SPTBN1: variants seen among roughly 807,000 people sequenced by gnomAD.
SPTBN1 encodes spectrin beta, non-erythrocytic 1.
In SPTBN1, 32 loss-of-function variants were observed where a neutral mutation model predicts 266.4. The observed-to-expected ratio is 0.12, with a 90% CI of 0.09 to 0.16. The LOEUF is 0.16. SPTBN1 is among the 10% of genes least tolerant of loss of function. The pLI is 1.00. For synonymous variants in SPTBN1, 1,336 were observed against 1,162.2 expected (o/e 1.15, Z -3.04); for missense variants, 2,296 against 3,067.1 (o/e 0.75, Z 5.94).
At chr2:54,589,619 G>GT (rs1402645621) in intron 2 of SPTBN1, among the ~76,000 whole-genome samples, 1 of 152,194 alleles carries the variant, frequency 6.6e-6, no homozygotes, top group Non-Finnish European at 1.5e-5. Flanking sequence ...GGAAACTATT[G>GT]TAACTCAAAT....
intron 2 of SPTBN1, among the ~76,000 whole-genome samples, chr2:54,571,122 G>A (rs1674032879): frequency 6.6e-6 from 1 of 152,130 alleles, no homozygotes; most frequent in African/African-American, 2.4e-5. Flanking sequence ...GCGGTGAAGA[G>A]TGGTGGGGGT....
intron 3 of SPTBN1, among the ~76,000 whole-genome samples, chr2:54,606,352 T>C (rs949698423): frequency 1.2e-4 from 18 of 152,194 alleles, no homozygotes; most frequent in African/African-American, 4.1e-4. Flanking sequence ...CTGCTGCAGT[T>C]AGAAGTTTCT....
chr2:54,631,970 G>C (rs752595237), intron 16 of SPTBN1, among the ~76,000 whole-genome samples: 1 of 152,098 alleles, frequency 6.6e-6, no homozygotes, highest in Admixed American at 6.5e-5. Context: ...CCAGCTCTTG[G>C]GGAGGCTGGG....
rs987937263 is a variant in SPTBN1 at position 54,670,690 on chromosome 2, G to C, written c.*2121G>C. The C allele has an allele frequency of 2.5e-6, 1 of 398,456 alleles. No individual in the cohort carries two copies. Among genetic ancestry groups the C allele is most frequent in the Non-Finnish European group, 4.4e-6 (1 of 226,054 alleles). 24.7% of individuals were successfully genotyped at this position (398,456 alleles called of 1,614,324 possible). ...CAATAAGTTCATACCAGCAATCCTG[G>C]AGTCCCATAATAAATACGTACATGT... On this transcript the variant is annotated 3_prime_UTR_variant, in exon 36 of 36. Coordinates refer to ENST00000356805, the MANE Select transcript of SPTBN1 (RefSeq NM_003128.3).
At chr2:54,661,567 G>T in intron 32 of SPTBN1, 1 of 985,754 alleles carries the variant, frequency 1.0e-6, no homozygotes, top group Non-Finnish European at 1.2e-6. Flanking sequence ...TTATGTTCTG[G>T]GGGTAGTATG....
chr2:54,466,047 CTTGT>C (rs1464112327), intron 1 of SPTBN1, among the ~76,000 whole-genome samples: 3 of 152,116 alleles, frequency 2.0e-5, no homozygotes, highest in Non-Finnish European at 4.4e-5. Flanking sequence ...AAAACTGACC[CTTGT>C]TTATAGGAGT....
chr2:54,649,706 T>G lies in SPTBN1; in HGVS notation c.5294T>G (p.Leu1765Arg). The change falls in exon 26 of 36, where the codon CTC becomes CGC. Residue 1765 changes from leucine to arginine, a missense_variant. By Grantham distance (102) the Leu-to-Arg change is moderately radical. Coordinates refer to ENST00000356805, the MANE Select transcript of SPTBN1 (RefSeq NM_003128.3). This position sits in a 1 kb window ranked among gnomAD's most constrained non-coding sequence, Gnocchi z 6.7. ...VDTVNHLADE[L>R]INSGHSDAAT... ...ACGGTCAATCACCTGGCAGATGAGC[T>G]CATCAACTCTGGACATTCAGATGCC... The G allele has an allele frequency of 1.2e-5, 19 of 1,614,068 alleles. No homozygotes were observed. The highest frequency in any genetic ancestry group is 1.6e-5 in the Non-Finnish European group (19 of 1,180,016).
Position 54,617,705 on chromosome 2 carries a change from C to A in SPTBN1, c.647+17C>A, listed in dbSNP as rs749070676. 2 of 1,612,284 alleles carry A rather than the reference C, an allele frequency of 1.2e-6. No individual in the cohort carries two copies. Among genetic ancestry groups the A allele is most frequent in the East Asian group, 4.5e-5 (2 of 44,888 alleles). On this transcript the variant is annotated intron_variant, in intron 6 of 35. Coordinates refer to ENST00000356805, the MANE Select transcript of SPTBN1 (RefSeq NM_003128.3). ...CAAACACCGGTAAGTCCATACAAAT[C>A]ATCCTAGCAATCGTGGGGTAAAAGG...
At chr2:54,538,792 A>G (rs959337756) in intron 2 of SPTBN1, among the ~76,000 whole-genome samples, 2 of 152,216 alleles carry the variant, frequency 1.3e-5, no homozygotes, top group African/African-American at 2.4e-5. Flanking sequence ...TTGAACATGT[A>G]TGTGAAGTCG....
At chr2:54,513,005 A>C (rs1669935252) in intron 1 of SPTBN1, among the ~76,000 whole-genome samples, 1 of 152,186 alleles carries the variant, frequency 6.6e-6, no homozygotes. Context: ...CAGCCTAGGC[A>C]GCATGGCGAA....
chr2:54,628,722 CA>C lies in SPTBN1; in HGVS notation c.1799-202del, dbSNP rs970106934. Among the ~76,000 whole-genome samples the C allele has an allele frequency of 2.7e-5, 4 of 150,142 alleles. No homozygotes were observed. Among genetic ancestry groups the C allele is most frequent in the Admixed American group, 2.0e-4 (3 of 15,102 alleles). ...ATGATCACTTTGTCTGCGGTTTGGC[CA>C]AAAAAAAATAATGTTTATCATTGCC... On this transcript the variant is annotated intron_variant, in intron 13 of 35. Coordinates refer to ENST00000356805, the MANE Select transcript of SPTBN1 (RefSeq NM_003128.3). This position sits in a 1 kb window ranked among gnomAD's most constrained non-coding sequence, Gnocchi z 4.3.
Position 54,621,368 on chromosome 2 carries a change from A to G in SPTBN1, c.764-32A>G, listed in dbSNP as rs757432549. 2.6e-6 allele frequency: 4 copies of G among 1,566,512 alleles called. No homozygotes were observed. The African/African-American group carries it at 4.1e-5, about 16-fold the overall frequency. ...CCTGGGTGGGGCACAGTAGCATGCA[A>G]CACACTGAACAGAGTCTTCTCTGGG... On this transcript the variant is annotated intron_variant, in intron 7 of 35. Transcript: ENST00000356805.
chr2:54,660,658 T>G, intron 32 of SPTBN1: 1 of 985,454 alleles, frequency 1.0e-6, no homozygotes, highest in Non-Finnish European at 1.2e-6. Context: ...AGGCACACAA[T>G]CTCATACATT....
chr2:54,519,128 A>G (rs2104276691), intron 1 of SPTBN1, among the ~76,000 whole-genome samples: 1 of 152,266 alleles, frequency 6.6e-6, no homozygotes, highest in African/African-American at 2.4e-5. Context: ...GGCAGCTCCA[A>G]TTGACTTTGC....
At chr2:54,538,600 T>C (rs1479986296) in intron 2 of SPTBN1, among the ~76,000 whole-genome samples, 2 of 152,248 alleles carry the variant, frequency 1.3e-5, no homozygotes, top group Non-Finnish European at 2.9e-5. Flanking sequence ...TCTTCTGTAT[T>C]TTTATTAGTT....
chr2:54,492,349 G>GTTTTTTTTT (rs542155672), intron 1 of SPTBN1, among the ~76,000 whole-genome samples: 4 of 132,634 alleles, frequency 3.0e-5, no homozygotes, highest in Non-Finnish European at 4.8e-5. Flanking sequence ...TTGTTTTTTT[G>GTTTTTTTTT]TTTTTTTTTT....
intron 2 of SPTBN1, chr2:54,529,841 T>C (rs1158024590): frequency 2.5e-5 from 5 of 197,792 alleles, no homozygotes; most frequent in East Asian, 2.8e-4. Flanking sequence ...AATATACATA[T>C]CTCTTTTCAC....
Position 54,612,157 on chromosome 2 carries a change from C to T in SPTBN1, c.301-4C>T. 20 of 1,585,436 alleles carry T rather than the reference C, an allele frequency of 1.3e-5. No individual in the cohort carries two copies. Among genetic ancestry groups the T allele is most frequent in the Non-Finnish European group, 1.7e-5 (20 of 1,162,002 alleles). On this transcript the variant is annotated splice_polypyrimidine_tract_variant and splice_region_variant and intron_variant, in intron 3 of 35. Transcript: ENST00000356805. ...TGTCTCTACCTCTGCTCTCCTGTTT[C>T]TAGCCTAAACCCACCAAGGGACGAA...
At chr2:54,469,413 T>C (rs1558752633) in intron 1 of SPTBN1, among the ~76,000 whole-genome samples, 1 of 152,188 alleles carries the variant, frequency 6.6e-6, no homozygotes. Context: ...TTGGCCCTTT[T>C]CACAGTTAAG....
Sources: gnomAD v4.1 joint callset for allele counts (sites outside exome capture counted in the v4.1 genomes callset) on GRCh38, gnomAD v4.1.1 for gene constraint, Gnocchi (gnomAD v3.1) non-coding constraint, MANE v1.5 for transcripts, NCBI Gene and HGNC (gene_info 2026-07-23, HGNC 2026-07-21) for gene names.